MAST4: variants seen among roughly 807,000 people sequenced by gnomAD.
MAST4 encodes the protein microtubule associated serine/threonine kinase family member 4, also known as microtubule-associated serine/threonine-protein kinase 4.
A neutral mutation model predicts 162.7 loss-of-function variants in MAST4; 89 were observed. That is an observed-to-expected ratio of 0.55 (90% CI 0.46 to 0.65). The LOEUF (loss-of-function observed/expected upper bound fraction) is 0.65. Among genes scored for constraint, MAST4 ranks in the 30% least tolerant of loss-of-function variants. The pLI, the probability that MAST4 is intolerant of heterozygous loss-of-function variation, is 0.00. For synonymous variants in MAST4, 1,479 were observed against 1,361.1 expected (o/e 1.09, Z -1.91); for missense variants, 3,153 against 3,374.0 (o/e 0.93, Z 1.62).
At chr5:66,894,071 G>C (rs1383301101) in intron 3 of MAST4, among the ~76,000 whole-genome samples, 1 of 152,144 alleles carries the variant, frequency 6.6e-6, no homozygotes, top group Admixed American at 6.5e-5. Context: ...GCCTCACACT[G>C]CTTCCCACTT....
At chr5:67,100,211 T>C (rs565313187) in intron 7 of MAST4, among the ~76,000 whole-genome samples, 121 of 152,292 alleles carry the variant, frequency 7.9e-4, no homozygotes, top group African/African-American at 2.9e-3. Flanking sequence ...GAGAAAACTA[T>C]CTTTTGGGAA....
intron 1 of MAST4, among the ~76,000 whole-genome samples, chr5:66,656,448 C>A (rs1442345610): frequency 2.0e-5 from 3 of 152,166 alleles, no homozygotes; most frequent in Non-Finnish European, 4.4e-5. Context: ...GCAATAGCTT[C>A]CCTGGGTATA....
intron 2 of MAST4, among the ~76,000 whole-genome samples, chr5:66,787,249 C>G (rs761513863): frequency 1.3e-5 from 2 of 152,158 alleles, no homozygotes; most frequent in Non-Finnish European, 2.9e-5. Flanking sequence ...ATGGAAAAAT[C>G]AAGTCCAGGA....
chr5:66,809,180 G>A lies in MAST4; in HGVS notation c.642+20386G>A, dbSNP rs566103132. On this transcript the variant is annotated intron_variant, in intron 3 of 28. Transcript: ENST00000403625. ...TTCCCCTCAGCCACCAAAATGTGGTGTTCAGACAGTTGGCTTTGGACTCAG... is the reference window on the plus strand; with the variant it reads ...TTCCCCTCAGCCACCAAAATGTGGTATTCAGACAGTTGGCTTTGGACTCAG... Among the ~76,000 whole-genome samples, 8 of 152,326 alleles carry A rather than the reference G, an allele frequency of 5.3e-5. No homozygotes were observed. The South Asian group carries it at 1.4e-3, about 28-fold the overall frequency.
At position 66,816,174 on chromosome 5, in the gene MAST4, C is replaced by A. The variant is rs187271272; in HGVS notation, c.642+27380C>A. On this transcript the variant is annotated intron_variant, in intron 3 of 28. Coordinates refer to ENST00000403625, the MANE Select transcript of MAST4 (RefSeq NM_001164664.2). The stretch of plus-strand genomic sequence containing the variant: ...AGCCCAGGACAGCTTTGAATGCAGC[C>A]TAACACAAATTTGTAAACTTTCTTG... Among the ~76,000 whole-genome samples, 4 of 152,068 alleles carry A rather than the reference C, an allele frequency of 2.6e-5. No individual in the cohort carries two copies. The South Asian group carries it at 8.3e-4, about 32-fold the overall frequency.
chr5:66,706,336 A>G (rs1750124114), intron 1 of MAST4, among the ~76,000 whole-genome samples: 1 of 152,166 alleles, frequency 6.6e-6, no homozygotes, highest in Non-Finnish European at 1.5e-5. Context: ...GTGTCACAAA[A>G]TGAGTTGGAG....
chr5:67,124,433 T>C (rs1208794949), intron 14 of MAST4, among the ~76,000 whole-genome samples: 1 of 152,182 alleles, frequency 6.6e-6, no homozygotes, highest in East Asian at 1.9e-4. Context: ...TCTCTCTCTC[T>C]CTGTGCTAAC....
chr5:67,090,988 G>A (rs951066117), intron 6 of MAST4, among the ~76,000 whole-genome samples: 1 of 151,632 alleles, frequency 6.6e-6, no homozygotes, highest in African/African-American at 2.4e-5. Flanking sequence ...AAACAAAATG[G>A]CACCTTCAGC....
intron 5 of MAST4, among the ~76,000 whole-genome samples, chr5:67,078,911 A>AATAAATATAT (rs1227485756): frequency 0.035 from 1,326 of 38,006 alleles, 167 homozygotes; most frequent in Admixed American, 0.044. Context: ...TTTTTATATA[A>AATAAATATAT]ATATATATAT....
intron 5 of MAST4, among the ~76,000 whole-genome samples, chr5:67,089,481 C>T (rs541744291): frequency 8.0e-4 from 122 of 152,270 alleles, no homozygotes; most frequent in African/African-American, 2.9e-3. Flanking sequence ...TTTGAGGCTG[C>T]CTGGCCAGTC....
At chr5:66,900,068 T>C in intron 4 of MAST4, 86 bp downstream of exon 4, 1 of 907,224 alleles carries the variant, frequency 1.1e-6, no homozygotes, top group Non-Finnish European at 1.6e-6. Context: ...TTAGTGGCAA[T>C]TATAAAATGA....
At chr5:66,834,430 C>CAGAAG (rs1757819133) in intron 3 of MAST4, among the ~76,000 whole-genome samples, 1 of 152,072 alleles carries the variant, frequency 6.6e-6, no homozygotes, top group Non-Finnish European at 1.5e-5. Flanking sequence ...TGTTGTGCTC[C>CAGAAG]CCATTAGCAG....
intron 4 of MAST4, among the ~76,000 whole-genome samples, chr5:67,026,498 T>G (rs1192753066): frequency 6.6e-6 from 1 of 152,246 alleles, no homozygotes; most frequent in Admixed American, 6.5e-5. Context: ...GAAATGTAAT[T>G]CATGCAACCA....
intron 16 of MAST4, 148 bp from the exon 17 acceptor site, chr5:67,133,366 A>G: frequency 1.3e-6 from 1 of 785,810 alleles, no homozygotes; most frequent in Non-Finnish European, 2.0e-6. Flanking sequence ...TCTTTATGTG[A>G]CTCCATCTCT....
intron 24 of MAST4, 65 bp from the exon 25 acceptor site, chr5:67,152,572 A>G (rs1302648445): frequency 2.2e-6 from 3 of 1,337,078 alleles, no homozygotes; most frequent in Non-Finnish European, 3.2e-6. Context: ...TCATGGGGTG[A>G]GGGTTGCCTG....
intron 3 of MAST4, among the ~76,000 whole-genome samples, chr5:66,851,497 G>T (rs1197465148): frequency 6.6e-6 from 1 of 152,216 alleles, no homozygotes; most frequent in East Asian, 1.9e-4. Context: ...AGCCTCAGAT[G>T]CATTCTTTTT....
intron 3 of MAST4, among the ~76,000 whole-genome samples, chr5:66,793,983 G>A (rs894432469): frequency 6.6e-6 from 1 of 152,206 alleles, no homozygotes; most frequent in African/African-American, 2.4e-5. Flanking sequence ...CTAGAATAGT[G>A]CCTGGCACAT....
chr5:66,692,512 A>G (rs1260048815), intron 1 of MAST4, among the ~76,000 whole-genome samples: 1 of 151,356 alleles, frequency 6.6e-6, no homozygotes, highest in Non-Finnish European at 1.5e-5. Context: ...TGGGAGATGA[A>G]CCAGGGCTAT....
At chr5:66,814,631 TG>T (rs1367136049) in intron 3 of MAST4, among the ~76,000 whole-genome samples, 1 of 152,202 alleles carries the variant, frequency 6.6e-6, no homozygotes, top group Non-Finnish European at 1.5e-5. Context: ...AAATCTCCTT[TG>T]CAAGGGATGG....
Sources: gnomAD v4.1 joint callset for allele counts (sites outside exome capture counted in the v4.1 genomes callset) on GRCh38, gnomAD v4.1.1 for gene constraint, MANE v1.5 for transcripts, NCBI Gene and HGNC (gene_info 2026-07-23, HGNC 2026-07-21) for gene names.